The following MROH7 variants were observed in gnomAD, a reference collection of about 807,000 sequenced individuals.
MROH7 encodes the protein maestro heat-like repeat-containing protein family member 7.
Under a neutral mutation model 129.2 loss-of-function variants are expected in MROH7, and 113 were observed. The observed-to-expected ratio is 0.87, with a 90% CI of 0.75 to 1.02. The LOEUF (loss-of-function observed/expected upper bound fraction) is 1.02, where lower values mean the gene tolerates loss of function less well. Ranked by LOEUF, MROH7 falls within the 50% of genes least tolerant of loss-of-function variation. MROH7 has a pLI of 0.00. For synonymous variants in MROH7, 655 were observed against 667.9 expected, an observed-to-expected ratio of 0.98 and a Z score of 0.30; for missense variants, 1,601 against 1,671.3, an observed-to-expected ratio of 0.96 and a Z score of 0.73.
chr1:54,682,495 C>A (rs1466453764), intron 13 of MROH7, among the ~76,000 whole-genome samples, 161 bp from the exon 14 acceptor site: 1 of 152,160 alleles, frequency 6.6e-6, no homozygotes, highest in Non-Finnish European at 1.5e-5. Context: ...GTCCTTCTAG[C>A]CCCTGACTCT....
In MROH7 at chr1:54,653,399, G is replaced by GT; in HGVS notation, c.474dup (p.Lys159Ter). On this transcript the variant is annotated frameshift_variant, in exon 3 of 24. Transcript: ENST00000421030. LOFTEE classifies it high-confidence loss of function. The stretch of plus-strand genomic sequence containing the variant: ...GAAGATGCCTTCAAGTGCCTCTCAA[G>GT]TAAGATTTTCAAGTTGGGTCAGAGA... 6.2e-7 allele frequency: 1 copy of GT among 1,614,192 alleles called. No homozygotes were observed. The highest frequency in any genetic ancestry group is 8.5e-7 in the Non-Finnish European group (1 of 1,180,038).
intron 22 of MROH7, among the ~76,000 whole-genome samples, chr1:54,706,993 T>C (rs747804383): frequency 4.6e-5 from 7 of 152,234 alleles, no homozygotes; most frequent in Admixed American, 2.0e-4. Flanking sequence ...ATCTGTAAGA[T>C]AGGGATCACC....
At chr1:54,646,018 C>T (rs894595769) in intron 1 of MROH7, among the ~76,000 whole-genome samples, 13 of 152,186 alleles carry the variant, frequency 8.5e-5, no homozygotes, top group Non-Finnish European at 1.9e-4. Flanking sequence ...GGCACAGGCC[C>T]GGTCTCCAGT....
At chr1:54,658,577 T>C (rs1236167202) in intron 3 of MROH7, among the ~76,000 whole-genome samples, 1 of 151,556 alleles carries the variant, frequency 6.6e-6, no homozygotes, top group Non-Finnish European at 1.5e-5. Context: ...CAGTAAAATA[T>C]GTAAAGTGTG....
chr1:54,680,837 T>C (rs547374365), intron 13 of MROH7, among the ~76,000 whole-genome samples: 43 of 152,318 alleles, frequency 2.8e-4, no homozygotes, highest in African/African-American at 9.6e-4. Flanking sequence ...GGGCAGTTGA[T>C]GTCATTCATA....
At chr1:54,669,650 G>T (rs1466096439) in intron 5 of MROH7, among the ~76,000 whole-genome samples, 1 of 152,120 alleles carries the variant, frequency 6.6e-6, no homozygotes, top group Non-Finnish European at 1.5e-5. Flanking sequence ...TTAGCCTCTC[G>T]AGATTTGGGA....
chr1:54,687,521 A>G (rs1344091205), intron 15 of MROH7, among the ~76,000 whole-genome samples: 4 of 152,226 alleles, frequency 2.6e-5, no homozygotes, highest in South Asian at 2.1e-4. Context: ...GCTTGTTTAT[A>G]TGTCTTTATG....
chr1:54,658,870 T>C (rs1311205879), intron 3 of MROH7, among the ~76,000 whole-genome samples: 1 of 152,124 alleles, frequency 6.6e-6, no homozygotes, highest in Admixed American at 6.6e-5. Flanking sequence ...TAGATGCTAG[T>C]AGCAACCTCC....
intron 1 of MROH7, among the ~76,000 whole-genome samples, chr1:54,649,351 G>A (rs1172220705): frequency 2.0e-5 from 3 of 152,404 alleles, no homozygotes; most frequent in East Asian, 1.9e-4. Flanking sequence ...CCAACAGGCA[G>A]TTTGTGGCTG....
chr1:54,673,249 T>A, intron 8 of MROH7, 63 bp downstream of exon 8: 1 of 1,327,546 alleles, frequency 7.5e-7, no homozygotes, highest in Non-Finnish European at 1.1e-6. Context: ...GAGAAATTGG[T>A]GCAGGAGCAG....
intron 18 of MROH7, 67 bp downstream of exon 18, chr1:54,700,528 C>G: frequency 2.0e-6 from 3 of 1,470,134 alleles, no homozygotes; most frequent in Non-Finnish European, 2.7e-6. Context: ...CAGAGCTTCA[C>G]CATTATAGTA....
intron 23 of MROH7, 68 bp from the exon 24 acceptor site, chr1:54,709,878 G>C: frequency 6.4e-7 from 1 of 1,563,370 alleles, no homozygotes. Flanking sequence ...AGATGGGAAG[G>C]ATTAGGTATG....
intron 17 of MROH7, chr1:54,697,543 C>T: frequency 1.7e-6 from 1 of 595,560 alleles, no homozygotes; most frequent in Admixed American, 2.4e-5. Flanking sequence ...TCCAATTTCC[C>T]TGACCATGGT....
intron 13 of MROH7, among the ~76,000 whole-genome samples, chr1:54,682,046 G>T (rs144965494): frequency 3.3e-5 from 5 of 152,160 alleles, no homozygotes; most frequent in Admixed American, 6.5e-5. Context: ...CAAGATTTGC[G>T]TAGGGCCTGG....
chr1:54,644,801 C>CTTT (rs553525945), intron 1 of MROH7, among the ~76,000 whole-genome samples: 2 of 138,218 alleles, frequency 1.4e-5, no homozygotes. Context: ...AGCCAAATAA[C>CTTT]TTTTTTTTTT....
intron 14 of MROH7, among the ~76,000 whole-genome samples, chr1:54,684,192 T>C (rs753949049): frequency 2.0e-4 from 30 of 152,150 alleles, no homozygotes; most frequent in Non-Finnish European, 3.4e-4. Flanking sequence ...GGGAAGTAAA[T>C]AAAGGTACAG....
At chr1:54,657,630 G>T (rs541096201) in intron 3 of MROH7, among the ~76,000 whole-genome samples, 1 of 151,952 alleles carries the variant, frequency 6.6e-6, no homozygotes, top group South Asian at 2.1e-4. Flanking sequence ...CCTGCCTTGG[G>T]TTCCCCAAGT....
intron 1 of MROH7, among the ~76,000 whole-genome samples, chr1:54,648,987 TA>T (rs1644513429): frequency 6.6e-6 from 1 of 152,128 alleles, no homozygotes; most frequent in African/African-American, 2.4e-5. Context: ...GAGTCCTATT[TA>T]GGGGAAAAAT....
At chr1:54,701,375 A>G in intron 19 of MROH7, 53 bp downstream of exon 19, 6 of 1,460,794 alleles carry the variant, frequency 4.1e-6, no homozygotes, top group Non-Finnish European at 5.5e-6. Flanking sequence ...GGGGTCTTTT[A>G]CTACCTTGGG....
Sources: allele counts gnomAD v4.1 joint callset (sites outside exome capture counted in the v4.1 genomes callset), GRCh38; gene constraint gnomAD v4.1.1; transcripts MANE v1.5; gene names NCBI Gene and HGNC (gene_info 2026-07-23, HGNC 2026-07-21).